The following MDGA2 variants were observed in gnomAD, a reference collection of about 807,000 sequenced individuals.
MDGA2 encodes MAM domain containing glycosylphosphatidylinositol anchor 2, also known as MAM domain-containing glycosylphosphatidylinositol anchor protein 2.
In MDGA2, 40 loss-of-function variants were observed where a neutral mutation model predicts 117.8. That is an observed-to-expected ratio of 0.34 (90% CI 0.26 to 0.44). The LOEUF (loss-of-function observed/expected upper bound fraction) is 0.44. MDGA2 is among the 20% of genes least tolerant of loss of function. The probability of loss-of-function intolerance (pLI) is 1.00; values close to 1 mark genes in which losing one functional copy is unlikely to be tolerated. For missense variants in MDGA2, 1,123 were observed against 1,250.6 expected, an observed-to-expected ratio of 0.90 and a Z score of 1.54; for synonymous variants, 452 against 439.0, an observed-to-expected ratio of 1.03 and a Z score of -0.37.
At chr14:47,295,342 T>C (rs1194843867) in intron 2 of MDGA2, among the ~76,000 whole-genome samples, 2 of 152,218 alleles carry the variant, frequency 1.3e-5, no homozygotes, top group African/African-American at 2.4e-5. Context: ...TACAATTAAA[T>C]TGTATTGCTA....
At chr14:47,153,335 T>G (rs1883234545) in intron 3 of MDGA2, among the ~76,000 whole-genome samples, 1 of 152,058 alleles carries the variant, frequency 6.6e-6, no homozygotes, top group Non-Finnish European at 1.5e-5. Flanking sequence ...GGTGAGTGAT[T>G]AGAAACCGGG....
At chr14:47,103,584 T>C (rs1447183510) in intron 5 of MDGA2, among the ~76,000 whole-genome samples, 2 of 152,156 alleles carry the variant, frequency 1.3e-5, no homozygotes, top group Admixed American at 6.5e-5. Context: ...AATGTAGGAG[T>C]AAACTTTTGC....
At chr14:47,416,447 C>G (rs1313061064) in intron 1 of MDGA2, among the ~76,000 whole-genome samples, 1 of 152,164 alleles carries the variant, frequency 6.6e-6, no homozygotes, top group African/African-American at 2.4e-5. Context: ...GTCCTGCCCC[C>G]ACAGCCATTT....
chr14:47,506,287 A>T (rs1301515394), intron 1 of MDGA2, among the ~76,000 whole-genome samples: 2 of 152,132 alleles, frequency 1.3e-5, no homozygotes, highest in Non-Finnish European at 2.9e-5. Context: ...GGAACTGATT[A>T]AAAAAACAGC....
At chr14:47,454,756 C>T (rs1033465542) in intron 1 of MDGA2, among the ~76,000 whole-genome samples, 1 of 152,164 alleles carries the variant, frequency 6.6e-6, no homozygotes, top group Non-Finnish European at 1.5e-5. Flanking sequence ...GAATGATTCC[C>T]TCAAGTAATG....
chr14:47,227,582 G>C (rs1290586929), intron 2 of MDGA2, among the ~76,000 whole-genome samples: 1 of 151,934 alleles, frequency 6.6e-6, no homozygotes, highest in African/African-American at 2.4e-5. Context: ...CCAATGGTAA[G>C]TTCATTAAGG....
At chr14:47,128,698 CTT>C (rs35221831) in intron 5 of MDGA2, among the ~76,000 whole-genome samples, 24 of 138,006 alleles carry the variant, frequency 1.7e-4, no homozygotes, top group African/African-American at 1.3e-4. Flanking sequence ...ATTTCCATCA[CTT>C]TTTTTTTTTT....
At chr14:47,442,456 T>C (rs930259032) in intron 1 of MDGA2, among the ~76,000 whole-genome samples, 5 of 152,020 alleles carry the variant, frequency 3.3e-5, no homozygotes, top group Non-Finnish European at 5.9e-5. Context: ...GTCAGGGACT[T>C]AGTCAGAGGA....
rs1247601661 is a variant in MDGA2, at chr14:47,170,605, C to A, written c.596-26331G>T. ...CTGCAAGAATTAAAAAGCTGAGCCA[C>A]TATGAACATTTTGTTTAGGGGGAAA... On this transcript the variant is annotated intron_variant, in intron 3 of 16. Transcript: ENST00000399232. 2.0e-5 allele frequency among the ~76,000 whole-genome samples: 3 copies of A among 152,106 alleles called. No homozygotes were observed. In the East Asian group the frequency reaches 5.8e-4, roughly 29 times the overall value.
intron 7 of MDGA2, among the ~76,000 whole-genome samples, chr14:47,047,925 G>A (rs1889321791): frequency 6.6e-6 from 1 of 151,966 alleles, no homozygotes; most frequent in East Asian, 1.9e-4. Flanking sequence ...TGACATTTTA[G>A]AAAAGACAGG....
intron 6 of MDGA2, among the ~76,000 whole-genome samples, chr14:47,071,187 G>A (rs1449777691): frequency 6.6e-6 from 1 of 152,178 alleles, no homozygotes; most frequent in Non-Finnish European, 1.5e-5. Flanking sequence ...ACCCCAGTAT[G>A]TTGCTCAAAG....
chr14:47,286,475 G>T (rs1261900190), intron 2 of MDGA2, among the ~76,000 whole-genome samples: 2 of 151,982 alleles, frequency 1.3e-5, no homozygotes, highest in Non-Finnish European at 2.9e-5. Context: ...GTGAGAACAT[G>T]TAACATCTGT....
At chr14:46,902,370 C>T (rs1205735856) in intron 10 of MDGA2, among the ~76,000 whole-genome samples, 1 of 152,132 alleles carries the variant, frequency 6.6e-6, no homozygotes, top group East Asian at 1.9e-4. Flanking sequence ...TATCTTTTCT[C>T]AAACCTGTTC....
At chr14:46,852,764 T>C (rs867764949) in intron 15 of MDGA2, among the ~76,000 whole-genome samples, 2 of 151,994 alleles carry the variant, frequency 1.3e-5, no homozygotes, top group Middle Eastern at 3.4e-3. Flanking sequence ...TAATTAGCCC[T>C]ATACCAAACA....
At chr14:46,952,476 A>G (rs985143184) in intron 9 of MDGA2, among the ~76,000 whole-genome samples, 1 of 152,034 alleles carries the variant, frequency 6.6e-6, no homozygotes, top group Non-Finnish European at 1.5e-5. Flanking sequence ...CCTGAGTGAA[A>G]TAATTTTCTA....
intron 1 of MDGA2, among the ~76,000 whole-genome samples, chr14:47,561,092 T>G (rs960296650): frequency 9.3e-5 from 14 of 151,282 alleles, no homozygotes; most frequent in Non-Finnish European, 1.8e-4. Context: ...TTGGTTACTT[T>G]GGCCCTATAG....
chr14:47,488,347 TG>T (rs1308551057), intron 1 of MDGA2, among the ~76,000 whole-genome samples: 1 of 152,074 alleles, frequency 6.6e-6, no homozygotes, highest in African/African-American at 2.4e-5. Context: ...AGGAAGCAAA[TG>T]GTCTGTGCAT....
chr14:47,246,795 G>T (rs1418384692), intron 2 of MDGA2, among the ~76,000 whole-genome samples: 2 of 74,080 alleles, frequency 2.7e-5, no homozygotes, highest in East Asian at 9.3e-4. Context: ...TCTGAAGCAG[G>T]TAATGAAACA....
At chr14:47,171,847 G>A (rs1284852843) in intron 3 of MDGA2, among the ~76,000 whole-genome samples, 2 of 152,210 alleles carry the variant, frequency 1.3e-5, no homozygotes, top group Non-Finnish European at 2.9e-5. Context: ...GCGAGGCATT[G>A]CCTTACTCAG....
Sources: gnomAD v4.1 joint callset for allele counts (sites outside exome capture counted in the v4.1 genomes callset) on GRCh38, gnomAD v4.1.1 for gene constraint, MANE v1.5 for transcripts, NCBI Gene and HGNC (gene_info 2026-07-23, HGNC 2026-07-21) for gene names.